IL1RAPL1: variants seen among roughly 807,000 people sequenced by gnomAD.
IL1RAPL1 encodes the protein interleukin-1 receptor accessory protein-like 1.
In IL1RAPL1, 3 loss-of-function variants were observed where a neutral mutation model predicts 48.4. The observed-to-expected ratio is 0.06, with a 90% CI of 0.03 to 0.16. The LOEUF (loss-of-function observed/expected upper bound fraction) is 0.16, where lower values mean the gene tolerates loss of function less well. Among genes scored for constraint, IL1RAPL1 ranks in the 10% least tolerant of loss-of-function variants. The pLI is 1.00. For missense variants in IL1RAPL1, 349 were observed against 530.6 expected (o/e 0.66, Z 3.36); for synonymous variants, 185 against 187.7 (o/e 0.99, Z 0.12).
rs1169748340 is a variant in IL1RAPL1, at chrX:28,753,424, A to G, written c.-24-35896A>G. ...CAGTGATCTTAAAAATAAAAATGTC[A>G]TGCACCCAAGAGAAAAGTATTCATT... On this transcript the variant is annotated intron_variant, in intron 1 of 10. Transcript: ENST00000378993. Among the ~76,000 whole-genome samples the G allele has an allele frequency of 4.5e-5, 5 of 112,124 alleles. No homozygotes were observed. In the East Asian group the frequency reaches 1.4e-3, roughly 31 times the overall value.
chrX:28,792,835 A>ATATATG (rs1936565434), intron 2 of IL1RAPL1, among the ~76,000 whole-genome samples: 1 of 64,148 alleles, frequency 1.6e-5, no homozygotes, highest in Non-Finnish European at 2.7e-5. Context: ...ATATATATAT[A>ATATATG]TATATATATA....
intron 2 of IL1RAPL1, among the ~76,000 whole-genome samples, chrX:29,248,957 A>G (rs1931562262): frequency 8.9e-6 from 1 of 112,118 alleles, no homozygotes; most frequent in African/African-American, 3.2e-5. Context: ...GTTATAGGTC[A>G]TTCACAAAAA....
At chrX:28,940,776 C>A (rs774650072) in intron 2 of IL1RAPL1, among the ~76,000 whole-genome samples, 4 of 110,334 alleles carry the variant, frequency 3.6e-5, no homozygotes, top group Non-Finnish European at 5.7e-5. Context: ...CTTGGAGGAA[C>A]AGGTAAATAT....
intron 6 of IL1RAPL1, among the ~76,000 whole-genome samples, chrX:29,688,738 C>CTCCCTT (rs1487614226): frequency 2.8e-5 from 3 of 106,076 alleles, no homozygotes; most frequent in African/African-American, 1.0e-4. Context: ...TTCTCTCTCT[C>CTCCCTT]TCTCTCTCTC....
At chrX:29,939,938 C>T (rs1448941584) in intron 8 of IL1RAPL1, among the ~76,000 whole-genome samples, 1 of 105,562 alleles carries the variant, frequency 9.5e-6, no homozygotes, top group African/African-American at 3.5e-5. Context: ...TCTCAGCTCA[C>T]TGCAACCTCC....
At chrX:29,315,665 A>G (rs1286405186) in intron 3 of IL1RAPL1, among the ~76,000 whole-genome samples, 1 of 111,901 alleles carries the variant, frequency 8.9e-6, no homozygotes, top group Non-Finnish European at 1.9e-5. Flanking sequence ...TCCACGTGCA[A>G]AATTCTGGAA....
At chrX:29,029,267 C>A (rs1926562885) in intron 2 of IL1RAPL1, among the ~76,000 whole-genome samples, 1 of 110,850 alleles carries the variant, frequency 9.0e-6, no homozygotes, top group Non-Finnish European at 1.9e-5. Flanking sequence ...CACAGCCAAA[C>A]CATATCAGTG....
intron 2 of IL1RAPL1, among the ~76,000 whole-genome samples, chrX:29,264,493 A>T (rs1298418148): frequency 9.0e-6 from 1 of 111,286 alleles, no homozygotes; most frequent in Non-Finnish European, 1.9e-5. Flanking sequence ...GCATTATCAG[A>T]AGTGGAAGAA....
chrX:29,675,382 A>G, intron 6 of IL1RAPL1, among the ~76,000 whole-genome samples: 1 of 111,904 alleles, frequency 8.9e-6, no homozygotes, highest in Non-Finnish European at 1.9e-5. Context: ...CAGAGAGTCC[A>G]TTTAAGCTTC....
intron 1 of IL1RAPL1, among the ~76,000 whole-genome samples, chrX:28,673,650 T>C (rs1197850825): frequency 9.0e-6 from 1 of 111,284 alleles, no homozygotes; most frequent in Non-Finnish European, 1.9e-5. Context: ...ACTGGTCCTC[T>C]GAAAGGGGAA....
chrX:28,671,467 A>G (rs1041695649), intron 1 of IL1RAPL1, among the ~76,000 whole-genome samples: 4 of 111,965 alleles, frequency 3.6e-5, no homozygotes, highest in African/African-American at 1.3e-4. Context: ...AGAAACTATG[A>G]TGACAAAGAA....
At chrX:28,644,773 T>C (rs1456385839) in intron 1 of IL1RAPL1, among the ~76,000 whole-genome samples, 1 of 111,988 alleles carries the variant, frequency 8.9e-6, no homozygotes, top group Non-Finnish European at 1.9e-5. Flanking sequence ...TTAAAAATTA[T>C]ATCAATGAGG....
intron 2 of IL1RAPL1, among the ~76,000 whole-genome samples, chrX:29,162,573 T>C (rs1181834366): frequency 2.7e-5 from 3 of 110,179 alleles, no homozygotes; most frequent in Non-Finnish European, 1.9e-5. Flanking sequence ...TAGTATACAT[T>C]AATACCTAAA....
intron 5 of IL1RAPL1, among the ~76,000 whole-genome samples, chrX:29,441,085 A>G (rs1438084171): frequency 9.0e-6 from 1 of 110,523 alleles, no homozygotes; most frequent in Admixed American, 9.7e-5. Flanking sequence ...ACTTTTTACA[A>G]CTTTAACAAT....
chrX:29,518,004 C>A, intron 5 of IL1RAPL1, among the ~76,000 whole-genome samples: 1 of 111,753 alleles, frequency 8.9e-6, no homozygotes, highest in Non-Finnish European at 1.9e-5. Context: ...TGGTTAAACG[C>A]TCAATATAGG....
At chrX:29,430,912 C>T (rs954993785) in intron 5 of IL1RAPL1, among the ~76,000 whole-genome samples, 16 of 110,214 alleles carry the variant, frequency 1.5e-4, no homozygotes, top group Non-Finnish European at 2.8e-4. Context: ...AAGATAACAT[C>T]CCCCAAATAC....
At chrX:29,927,595 C>A (rs1932901484) in intron 8 of IL1RAPL1, among the ~76,000 whole-genome samples, 2 of 111,309 alleles carry the variant, frequency 1.8e-5, no homozygotes, top group Non-Finnish European at 3.8e-5. Context: ...CACTGTTGGA[C>A]CCATTTCCTA....
chrX:29,004,105 A>G (rs143571371), intron 2 of IL1RAPL1, among the ~76,000 whole-genome samples: 1,496 of 111,390 alleles, frequency 0.013, 9 homozygotes, highest in Non-Finnish European at 0.02. Flanking sequence ...TCGCACCACT[A>G]CATTCCAGCA....
intron 1 of IL1RAPL1, among the ~76,000 whole-genome samples, chrX:28,777,310 T>C (rs1216651450): frequency 9.0e-6 from 1 of 111,367 alleles, no homozygotes; most frequent in African/African-American, 3.3e-5. Flanking sequence ...TGAGCCCACC[T>C]TGTAATCTGG....
Sources: allele counts gnomAD v4.1 joint callset (sites outside exome capture counted in the v4.1 genomes callset), GRCh38; gene constraint gnomAD v4.1.1; transcripts MANE v1.5; gene names NCBI Gene and HGNC (gene_info 2026-07-23, HGNC 2026-07-21).